SNX30: variants seen among roughly 807,000 people sequenced by gnomAD.
The protein encoded by SNX30 is sorting nexin family member 30.
In SNX30, 24 loss-of-function variants were observed where a neutral mutation model predicts 46.4. The observed-to-expected ratio is 0.52, with a 90% CI of 0.37 to 0.73. The LOEUF (loss-of-function observed/expected upper bound fraction) is 0.73, where lower values mean the gene tolerates loss of function less well. SNX30 is among the 30% of genes least tolerant of loss of function. The pLI, the probability that SNX30 is intolerant of heterozygous loss-of-function variation, is 0.00. For synonymous variants in SNX30, 189 were observed against 211.5 expected (o/e 0.89, Z 0.92); for missense variants, 533 against 555.7 (o/e 0.96, Z 0.41).
At chr9:112,828,586 A>T (rs1840612743) in intron 3 of SNX30, among the ~76,000 whole-genome samples, 1 of 152,192 alleles carries the variant, frequency 6.6e-6, no homozygotes, top group African/African-American at 2.4e-5. Context: ...AATGACCAAA[A>T]AGTTGAGGAT....
Position 112,873,324 on chromosome 9 carries a change from AT to A in SNX30, c.*4484del, listed in dbSNP as rs1841475542. The A allele has an allele frequency of 6.6e-6, 1 of 152,246 alleles. No homozygotes were observed. Among genetic ancestry groups the A allele is most frequent in the African/African-American group, 2.4e-5 (1 of 41,466 alleles). 9.4% of individuals were successfully genotyped at this position (152,246 alleles called of 1,614,324 possible). On this transcript the variant is annotated 3_prime_UTR_variant, in exon 9 of 9. Coordinates refer to ENST00000374232, the MANE Select transcript of SNX30 (RefSeq NM_001012994.2). ...GCACTTGAAAATCAACAAATCCAGA[AT>A]TTAAAAAAATGCCACAGACTTTTCA...
At chr9:112,838,281 C>T (rs986983556) in intron 5 of SNX30, among the ~76,000 whole-genome samples, 3 of 152,112 alleles carry the variant, frequency 2.0e-5, no homozygotes, top group Admixed American at 6.5e-5. Flanking sequence ...ATTCCCATCA[C>T]GGGATGGAAT....
intron 1 of SNX30, among the ~76,000 whole-genome samples, chr9:112,760,645 A>G (rs751553762): frequency 6.6e-6 from 1 of 152,222 alleles, no homozygotes; most frequent in Non-Finnish European, 1.5e-5. Context: ...CGACTGTGCC[A>G]GCTGTGCCTG....
intron 2 of SNX30, among the ~76,000 whole-genome samples, chr9:112,815,561 A>G (rs928830173): frequency 5.3e-5 from 8 of 152,108 alleles, no homozygotes; most frequent in Non-Finnish European, 5.9e-5. Flanking sequence ...GGGTTTCACC[A>G]TGTTGGCCAG....
intron 6 of SNX30, among the ~76,000 whole-genome samples, chr9:112,845,685 A>C (rs1564289631): frequency 6.6e-6 from 1 of 152,228 alleles, no homozygotes. Flanking sequence ...TGGACGGGCC[A>C]AGAGAAGTGA....
chr9:112,805,342 G>A (rs1047963193), intron 2 of SNX30, among the ~76,000 whole-genome samples: 1 of 152,104 alleles, frequency 6.6e-6, no homozygotes, highest in Non-Finnish European at 1.5e-5. Flanking sequence ...TGGCCTAGGT[G>A]GGGTTGATGG....
intron 6 of SNX30, among the ~76,000 whole-genome samples, chr9:112,847,462 T>A (rs867618521): frequency 2.0e-3 from 262 of 133,762 alleles, no homozygotes; most frequent in South Asian, 9.7e-3. Flanking sequence ...TTTTTTTTTT[T>A]AAAAAGGACT....
At position 112,785,676 on chromosome 9, in the gene SNX30, G is replaced by A. The variant is rs567488944; in HGVS notation, c.157-19100G>A. Among the ~76,000 whole-genome samples, 43 of 152,168 alleles carry A rather than the reference G, an allele frequency of 2.8e-4. No individual in the cohort carries two copies. The South Asian group carries it at 3.7e-3, about 13-fold the overall frequency. On this transcript the variant is annotated intron_variant, in intron 1 of 8. Coordinates refer to ENST00000374232, the MANE Select transcript of SNX30 (RefSeq NM_001012994.2). The stretch of plus-strand genomic sequence containing the variant: ...TGGGATTACAGGCATGTGCCACCAC[G>A]CCTGGCCGTGCCTGGCTAAGTTTTA...
At chr9:112,868,474 T>C (rs540776038) in intron 8 of SNX30, among the ~76,000 whole-genome samples, 1 of 152,190 alleles carries the variant, frequency 6.6e-6, no homozygotes, top group Non-Finnish European at 1.5e-5. Flanking sequence ...TTTTTTCTGC[T>C]TTTTTGAAAG....
At chr9:112,838,781 A>C in intron 6 of SNX30, 84 bp downstream of exon 6, 2 of 1,338,896 alleles carry the variant, frequency 1.5e-6, no homozygotes, top group South Asian at 2.6e-5. Context: ...GCCTGTTTGC[A>C]TGTGATATAA....
At chr9:112,844,992 C>T (rs1003604775) in intron 6 of SNX30, among the ~76,000 whole-genome samples, 19 of 152,278 alleles carry the variant, frequency 1.2e-4, no homozygotes, top group Admixed American at 9.8e-4. Flanking sequence ...AAAATGTCCC[C>T]TTTCCTGAAC....
chr9:112,834,843 AACACAC>A lies in SNX30; in HGVS notation c.619-1336_619-1331del, dbSNP rs79118828. ...CGTGGATTAAACACACACACACACAAACACACACACACACACACACACACACACACA... is the reference window on the plus strand; with the variant it reads ...CGTGGATTAAACACACACACACACAAACACACACACACACACACACACACA... On this transcript the variant is annotated intron_variant, in intron 4 of 8. Transcript: ENST00000374232. 7.1e-3 allele frequency among the ~76,000 whole-genome samples: 555 copies of A among 78,402 alleles called. 4 individuals are homozygous for A. Among genetic ancestry groups the A allele is most frequent in the African/African-American group, 0.022 (464 of 21,462 alleles). The allele number at this position is 78,402 out of a possible 152,430, so 51.4% of individuals were successfully genotyped here. A position where few individuals can be genotyped will look rare whatever the true frequency, so the allele number is the denominator to read the frequency against.
At chr9:112,777,996 G>C (rs531817653) in intron 1 of SNX30, among the ~76,000 whole-genome samples, 2 of 152,034 alleles carry the variant, frequency 1.3e-5, no homozygotes, top group Non-Finnish European at 1.5e-5. Flanking sequence ...TTTGCTCTAG[G>C]TGTCTCTTGT....
intron 7 of SNX30, among the ~76,000 whole-genome samples, chr9:112,855,216 A>ATT (rs113485830): frequency 1.3e-5 from 2 of 149,388 alleles, no homozygotes; most frequent in Admixed American, 6.7e-5. Context: ...TGTTGATGAG[A>ATT]TTTTTTTTTT....
chr9:112,814,940 T>C (rs1443308004), intron 2 of SNX30, among the ~76,000 whole-genome samples: 2 of 152,232 alleles, frequency 1.3e-5, no homozygotes, highest in Non-Finnish European at 2.9e-5. Flanking sequence ...TGGAATACTA[T>C]GTATGTGTTA....
intron 1 of SNX30, among the ~76,000 whole-genome samples, chr9:112,776,856 A>G (rs536784694): frequency 7.6e-4 from 116 of 152,346 alleles, no homozygotes; most frequent in Non-Finnish European, 1.2e-3. Flanking sequence ...GAAGTGGGGA[A>G]GAGTTTACCC....
chr9:112,830,461 T>C (rs1041468098), intron 3 of SNX30, among the ~76,000 whole-genome samples: 1 of 152,156 alleles, frequency 6.6e-6, no homozygotes, highest in Non-Finnish European at 1.5e-5. Flanking sequence ...TAAAAATTAC[T>C]GTTGAATTTA....
rs1487565168 is a variant in SNX30, at chr9:112,768,655, T to C, written c.156+17498T>C. On this transcript the variant is annotated intron_variant, in intron 1 of 8. Transcript: ENST00000374232. ...CTAGATAATTCTTTCTTCTTTTTTTTTTTTTTTTTTTTTTTTTTTTGAGAC... is the reference window on the plus strand; with the variant it reads ...CTAGATAATTCTTTCTTCTTTTTTTCTTTTTTTTTTTTTTTTTTTTGAGAC... Among the ~76,000 whole-genome samples the C allele has an allele frequency of 9.7e-4, 130 of 133,904 alleles. 6 individuals carry two copies. The highest frequency in any genetic ancestry group is 4.9e-3 in the East Asian group (23 of 4,668). 87.8% of individuals were successfully genotyped at this position (133,904 alleles called of 152,430 possible).
chr9:112,750,245 C>CA (rs1262669948), upstream of SNX30, among the ~76,000 whole-genome samples: 1 of 152,194 alleles, frequency 6.6e-6, no homozygotes, highest in Non-Finnish European at 1.5e-5. Context: ...GAAGACTCCC[C>CA]ACACCGCCTC....
Sources: gnomAD v4.1 joint callset for allele counts (sites outside exome capture counted in the v4.1 genomes callset) on GRCh38, gnomAD v4.1.1 for gene constraint, MANE v1.5 for transcripts, NCBI Gene and HGNC (gene_info 2026-07-23, HGNC 2026-07-21) for gene names.